Variants in DHRSX observed in about 807,000 individuals in gnomAD.
The protein encoded by DHRSX is dehydrogenase/reductase X-linked.
DHRSX carries 31 observed loss-of-function variants against 34.0 expected under a neutral mutation model. The ratio of observed to expected loss-of-function variants is 0.91; its 90% CI spans 0.69 to 1.23. DHRSX has a LOEUF of 1.23. DHRSX is among the 50% of genes most tolerant of loss of function. The probability of loss-of-function intolerance (pLI) is 0.00; values close to 1 mark genes in which losing one functional copy is unlikely to be tolerated. For missense variants in DHRSX, 414 were observed against 428.1 expected (o/e 0.97, Z 0.29); for synonymous variants, 201 against 183.8 (o/e 1.09, Z -0.76).
At chrX:2,346,010 G>A (rs183805223) in intron 3 of DHRSX, among the ~76,000 whole-genome samples, 61 of 152,148 alleles carry the variant, frequency 4.0e-4, no homozygotes, top group Admixed American at 1.1e-3. Flanking sequence ...CTGGTTCTGC[G>A]GCACCCACCT....
At chrX:2,325,658 G>A in intron 3 of DHRSX, among the ~76,000 whole-genome samples, 1 of 151,762 alleles carries the variant, frequency 6.6e-6, no homozygotes, top group East Asian at 1.9e-4. Context: ...AAGCCCATTT[G>A]CATAAACGAT....
intron 1 of DHRSX, among the ~76,000 whole-genome samples, chrX:2,477,643 C>T (rs1465540849): frequency 1.3e-5 from 2 of 152,082 alleles, no homozygotes; most frequent in East Asian, 1.9e-4. Flanking sequence ...GTCAGGAGTT[C>T]GAGACCAACA....
intron 1 of DHRSX, among the ~76,000 whole-genome samples, chrX:2,456,613 CA>C (rs57262200): frequency 0.21 from 22,660 of 108,648 alleles, 1,776 homozygotes; most frequent in Middle Eastern, 0.31. Flanking sequence ...GACTCCTCTT[CA>C]AAAAAAAAAA....
chrX:2,362,520 C>T (rs1313625225), intron 3 of DHRSX, among the ~76,000 whole-genome samples: 8 of 152,262 alleles, frequency 5.3e-5, no homozygotes, highest in African/African-American at 1.9e-4. Context: ...AGACTGGCCT[C>T]GAAATCCTGA....
chrX:2,451,700 G>C (rs937705522), intron 1 of DHRSX, among the ~76,000 whole-genome samples: 2 of 152,298 alleles, frequency 1.3e-5, no homozygotes. Flanking sequence ...TTCCACATGA[G>C]AGTCAGAGAC....
In DHRSX at chrX:2,470,987, G is replaced by A. The variant is rs1306138248; in HGVS notation, c.109+29830C>T. ...CCTGATTATTAATATGTTAGTTAAT[G>A]TGATTGTTAATATGGTAACTAGCTT... On this transcript the variant is annotated intron_variant, in intron 1 of 6. Transcript: ENST00000334651. Among the ~76,000 whole-genome samples the A allele has an allele frequency of 3.5e-5, 5 of 144,820 alleles. No individual in the cohort carries two copies. In the East Asian group the frequency reaches 9.9e-4, roughly 29 times the overall value.
At chrX:2,496,221 C>T (rs2045281862) in intron 1 of DHRSX, among the ~76,000 whole-genome samples, 1 of 152,034 alleles carries the variant, frequency 6.6e-6, no homozygotes, top group Admixed American at 6.5e-5. Flanking sequence ...TTTTTTGAGA[C>T]GGAGTCTCGC....
chrX:2,352,188 T>C (rs1386971935), intron 3 of DHRSX, among the ~76,000 whole-genome samples: 1 of 152,086 alleles, frequency 6.6e-6, no homozygotes, highest in East Asian at 1.9e-4. Flanking sequence ...GGAGGCACAC[T>C]CAACCCTAAA....
rs765713147 is a variant in DHRSX at position 2,475,456 on chromosome X, C to T, written c.109+25361G>A. 1.7e-4 allele frequency among the ~76,000 whole-genome samples: 25 copies of T among 150,402 alleles called. No homozygotes were observed. In the South Asian group the frequency reaches 4.9e-3, roughly 29 times the overall value. ...TCCCTAAGCATGTGGCACAAGGGACCGCCGCCCTGTGCACACTGAAGATGT... is the reference window on the plus strand; with the variant it reads ...TCCCTAAGCATGTGGCACAAGGGACTGCCGCCCTGTGCACACTGAAGATGT... On this transcript the variant is annotated intron_variant, in intron 1 of 6. Coordinates refer to ENST00000334651, the MANE Select transcript of DHRSX (RefSeq NM_145177.3).
intron 5 of DHRSX, among the ~76,000 whole-genome samples, chrX:2,256,290 C>T (rs1392418224): frequency 6.6e-6 from 1 of 150,430 alleles, no homozygotes. Flanking sequence ...ACTGTGCCTG[C>T]CCTTTTTTTT....
Position 2,291,485 on chromosome X carries a change from A to G in DHRSX, c.388+17T>C. On this transcript the variant is annotated intron_variant, in intron 4 of 6. Coordinates refer to ENST00000334651, the MANE Select transcript of DHRSX (RefSeq NM_145177.3). ...TCAAATTAACCCCTGGCTTGCTGCA[A>G]TTTCACCAGGACTCACCATTGTTGA... 1.9e-6 allele frequency: 3 copies of G among 1,603,576 alleles called. No homozygotes were observed. The highest frequency in any genetic ancestry group is 1.7e-5 in the Admixed American group (1 of 59,490).
chrX:2,467,306 G>A (rs2044511610), intron 1 of DHRSX, among the ~76,000 whole-genome samples: 1 of 151,944 alleles, frequency 6.6e-6, no homozygotes, highest in African/African-American at 2.4e-5. Flanking sequence ...CTCCGTCACT[G>A]ATCAAACAAT....
At chrX:2,334,878 C>T (rs2042533144) in intron 3 of DHRSX, 2 of 152,094 alleles carry the variant, frequency 1.3e-5, no homozygotes, top group Admixed American at 1.3e-4. Context: ...GAGATGGTGT[C>T]AGTTAATTTA....
At chrX:2,360,468 A>G (rs1206180193) in intron 3 of DHRSX, among the ~76,000 whole-genome samples, 4 of 152,108 alleles carry the variant, frequency 2.6e-5, no homozygotes, top group African/African-American at 4.8e-5. Flanking sequence ...CTGTAATCCC[A>G]GCTACTTGGG....
chrX:2,342,949 G>A (rs901615598), intron 3 of DHRSX, among the ~76,000 whole-genome samples: 9 of 152,068 alleles, frequency 5.9e-5, no homozygotes, highest in Non-Finnish European at 5.9e-5. Context: ...GTGACAGAGC[G>A]GGAGCATGGC....
At chrX:2,377,729 T>C (rs1379482329) in intron 3 of DHRSX, among the ~76,000 whole-genome samples, 1 of 151,122 alleles carries the variant, frequency 6.6e-6, no homozygotes, top group Admixed American at 6.6e-5. Context: ...ATAATTGCAG[T>C]GTGCACACAA....
At chrX:2,336,133 AAGTAGCTGG>A (rs2042558364) in intron 3 of DHRSX, among the ~76,000 whole-genome samples, 1 of 151,168 alleles carries the variant, frequency 6.6e-6, no homozygotes, top group Non-Finnish European at 1.5e-5. Context: ...TCAGCCTCCC[AAGTAGCTGG>A]GACTACAGGC....
chrX:2,456,762 T>C (rs1363275739), intron 1 of DHRSX, among the ~76,000 whole-genome samples: 1 of 151,950 alleles, frequency 6.6e-6, no homozygotes, highest in Non-Finnish European at 1.5e-5. Context: ...TACACGAATA[T>C]AAAGAAACAC....
intron 1 of DHRSX, among the ~76,000 whole-genome samples, chrX:2,427,404 A>G (rs1021751661): frequency 6.6e-6 from 1 of 152,188 alleles, no homozygotes; most frequent in African/African-American, 2.4e-5. Context: ...GAATAGATTC[A>G]TGGAGAATCC....
Sources: allele counts gnomAD v4.1 joint callset (sites outside exome capture counted in the v4.1 genomes callset), GRCh38; gene constraint gnomAD v4.1.1; transcripts MANE v1.5; gene names NCBI Gene and HGNC (gene_info 2026-07-23, HGNC 2026-07-21).